IQCM: variants seen among roughly 807,000 people sequenced by gnomAD.
IQCM encodes IQ domain-containing protein M.
In IQCM, 45 loss-of-function variants were observed where a neutral mutation model predicts 57.6. That is an observed-to-expected ratio of 0.78 (90% CI 0.62 to 1.00). The LOEUF is 1.00. Among genes scored for constraint, IQCM ranks in the 50% least tolerant of loss-of-function variants. The probability of loss-of-function intolerance (pLI) is 0.00; values close to 1 mark genes in which losing one functional copy is unlikely to be tolerated. For synonymous variants in IQCM, 148 were observed against 158.9 expected (o/e 0.93, Z 0.51); for missense variants, 468 against 511.6 (o/e 0.91, Z 0.82).
chr4:149,630,191 G>T lies in IQCM; in HGVS notation c.566-8947C>A, dbSNP rs183147410. 5.9e-5 allele frequency among the ~76,000 whole-genome samples: 9 copies of T among 152,256 alleles called. No individual in the cohort carries two copies. The East Asian group carries it at 1.7e-3, about 29-fold the overall frequency. On this transcript the variant is annotated intron_variant, in intron 7 of 13. Transcript: ENST00000636793. ...AAAGATTGACTTTTGCAATGCAGGG[G>T]CTACTATCTGGCTTGGATGGCAGCA...
chr4:149,794,208 T>C (rs1040318248), intron 2 of IQCM, among the ~76,000 whole-genome samples: 2 of 152,174 alleles, frequency 1.3e-5, no homozygotes. Flanking sequence ...ATTGAGGATA[T>C]TTCATTAAAG....
chr4:149,723,623 C>T (rs1765636709), intron 5 of IQCM, among the ~76,000 whole-genome samples: 1 of 151,914 alleles, frequency 6.6e-6, no homozygotes, highest in South Asian at 2.1e-4. Context: ...ATCCCTGCAC[C>T]CCTGGGATGA....
At chr4:149,412,446 G>C (rs910390693) in intron 13 of IQCM, among the ~76,000 whole-genome samples, 1 of 152,112 alleles carries the variant, frequency 6.6e-6, no homozygotes, top group Non-Finnish European at 1.5e-5. Context: ...ATTGTGCACT[G>C]ACCAAATTTC....
At chr4:149,396,329 C>A (rs977503831) in intron 13 of IQCM, among the ~76,000 whole-genome samples, 2 of 151,346 alleles carry the variant, frequency 1.3e-5, no homozygotes, top group Non-Finnish European at 3.0e-5. Context: ...CATATACATA[C>A]ATATATTTTA....
intron 4 of IQCM, 138 bp from the exon 5 acceptor site, chr4:149,733,646 G>C: frequency 2.4e-6 from 1 of 413,562 alleles, no homozygotes; most frequent in Non-Finnish European, 4.1e-6. Flanking sequence ...TGCTATATAA[G>C]ACATTTACTC....
rs184561484 is a variant in IQCM at position 149,534,696 on chromosome 4, C to T, written c.1228+13759G>A. On this transcript the variant is annotated intron_variant, in intron 12 of 13. Coordinates refer to ENST00000636793, the MANE Select transcript of IQCM (RefSeq NM_001363507.2). Reference sequence around the variant, plus strand: ...TATGCCAAAAAATTTACTCCATAAACATCTCCTTTTATAAGTCAGCATGGT... The same window carrying T: ...TATGCCAAAAAATTTACTCCATAAATATCTCCTTTTATAAGTCAGCATGGT... Among the ~76,000 whole-genome samples, 381 of 152,166 alleles carry T rather than the reference C, an allele frequency of 2.5e-3. 3 individuals carry two copies. Among genetic ancestry groups the T allele is most frequent in the African/African-American group, 6.6e-3 (274 of 41,534 alleles).
chr4:149,358,128 TTC>T (rs1157348521), intron 13 of IQCM, among the ~76,000 whole-genome samples: 1 of 152,218 alleles, frequency 6.6e-6, no homozygotes, highest in Non-Finnish European at 1.5e-5. Context: ...TATTTGATTC[TTC>T]TCTGTTTTCT....
chr4:149,725,436 A>G (rs7684095), intron 5 of IQCM, among the ~76,000 whole-genome samples: 46,117 of 152,032 alleles, frequency 0.3, 7,564 homozygotes, highest in East Asian at 0.51. Flanking sequence ...TTTGAGATAA[A>G]AACTTTGAAA....
chr4:149,718,782 T>C (rs1307958009), intron 5 of IQCM, among the ~76,000 whole-genome samples: 1 of 152,158 alleles, frequency 6.6e-6, no homozygotes, highest in Non-Finnish European at 1.5e-5. Context: ...CCTGCCTCCA[T>C]GGTCTCTTTG....
intron 12 of IQCM, among the ~76,000 whole-genome samples, chr4:149,517,360 C>T (rs1250640852): frequency 6.6e-6 from 1 of 152,142 alleles, no homozygotes; most frequent in Non-Finnish European, 1.5e-5. Context: ...TATCATGTGA[C>T]ATAAGATTTA....
intron 12 of IQCM, among the ~76,000 whole-genome samples, chr4:149,442,745 T>C (rs556726037): frequency 4.6e-5 from 7 of 152,154 alleles, no homozygotes; most frequent in African/African-American, 1.4e-4. Flanking sequence ...TGAGTCCTTA[T>C]GAGCAGAATC....
chr4:149,494,513 T>C (rs1003989041), intron 12 of IQCM, among the ~76,000 whole-genome samples: 1 of 152,086 alleles, frequency 6.6e-6, no homozygotes, highest in Non-Finnish European at 1.5e-5. Flanking sequence ...AATTTTCATG[T>C]TTGTGCCCAA....
intron 9 of IQCM, among the ~76,000 whole-genome samples, chr4:149,587,165 A>G (rs896988489): frequency 5.9e-5 from 9 of 151,866 alleles, no homozygotes; most frequent in East Asian, 2.0e-4. Context: ...AGTTCTCACT[A>G]TCTTACACTG....
intron 13 of IQCM, among the ~76,000 whole-genome samples, chr4:149,410,481 A>G (rs2111171627): frequency 6.7e-6 from 1 of 149,652 alleles, no homozygotes; most frequent in East Asian, 2.0e-4. Context: ...TTATATATCA[A>G]TATATGATAT....
chr4:149,421,596 T>C (rs1031423617), intron 13 of IQCM, among the ~76,000 whole-genome samples: 3 of 152,046 alleles, frequency 2.0e-5, no homozygotes, highest in African/African-American at 4.8e-5. Context: ...GGTGTTTGCA[T>C]ATCAAATGAA....
chr4:149,779,221 TTCCTATACAAA>T (rs1289208636), intron 2 of IQCM, among the ~76,000 whole-genome samples: 2 of 152,164 alleles, frequency 1.3e-5, no homozygotes, highest in Non-Finnish European at 2.9e-5. Context: ...TTTAAAACAA[TTCCTATACAAA>T]TCCTATCAAG....
At chr4:149,630,628 T>C (rs1243451378) in intron 7 of IQCM, among the ~76,000 whole-genome samples, 1 of 152,196 alleles carries the variant, frequency 6.6e-6, no homozygotes, top group African/African-American at 2.4e-5. Context: ...ATATGTACCT[T>C]ACCTATTTTA....
chr4:149,766,192 C>A lies in IQCM; in HGVS notation c.-48-23453G>T, dbSNP rs148704618. On this transcript the variant is annotated intron_variant, in intron 2 of 13. Transcript: ENST00000636793. ...ACACTTATTGCTGTCAAATTATGCC[C>A]CATCTACAGACAAAATGGACTCCCT... Among the ~76,000 whole-genome samples the A allele has an allele frequency of 3.3e-5, 5 of 152,156 alleles. No individual in the cohort carries two copies. In the East Asian group the frequency reaches 9.7e-4, roughly 29 times the overall value.
At chr4:149,720,277 ATG>A (rs1174556457) in intron 5 of IQCM, among the ~76,000 whole-genome samples, 1 of 152,216 alleles carries the variant, frequency 6.6e-6, no homozygotes, top group East Asian at 1.9e-4. Context: ...GTAAAAAAGA[ATG>A]TGTTTCAATT....
Sources: gnomAD v4.1 joint callset for allele counts (sites outside exome capture counted in the v4.1 genomes callset) on GRCh38, gnomAD v4.1.1 for gene constraint, MANE v1.5 for transcripts, NCBI Gene and HGNC (gene_info 2026-07-23, HGNC 2026-07-21) for gene names.